MYO1H: variants seen among roughly 807,000 people sequenced by gnomAD.
MYO1H encodes unconventional myosin-Ih.
A neutral mutation model predicts 149.3 loss-of-function variants in MYO1H; 118 were observed. The ratio of observed to expected loss-of-function variants is 0.79; its 90% confidence interval spans 0.68 to 0.92. The LOEUF is 0.92. Among genes scored for constraint, MYO1H ranks in the 40% least tolerant of loss-of-function variants. The probability of loss-of-function intolerance (pLI) is 0.00; values close to 1 mark genes in which losing one functional copy is unlikely to be tolerated. For synonymous variants in MYO1H, 447 were observed against 465.2 expected (o/e 0.96, Z 0.50); for missense variants, 1,212 against 1,280.7 (o/e 0.95, Z 0.82).
At chr12:109,335,434 A>G in the MYO1H span, among the ~76,000 whole-genome samples, 2 of 152,160 alleles carry the variant, frequency 1.3e-5, no homozygotes, top group African/African-American at 4.8e-5. Context: ...ACCATCTCCC[A>G]CCAGGCCCCA....
chr12:109,443,082 G>GTATGTGTGTATATGTGTATGTA (rs1872255666), intron 27 of MYO1H, among the ~76,000 whole-genome samples: 1 of 49,662 alleles, frequency 2.0e-5, no homozygotes, highest in Non-Finnish European at 3.5e-5. Context: ...ATATGTGTAC[G>GTATGTGTGTATATGTGTATGTA]TATGTGTGTA....
chr12:109,398,622 C>T (rs1049368195), intron 5 of MYO1H, among the ~76,000 whole-genome samples: 6 of 151,034 alleles, frequency 4.0e-5, no homozygotes, highest in African/African-American at 9.7e-5. Context: ...TGGTGGTGTG[C>T]GACTGTAATC....
intron 1 of MYO1H, among the ~76,000 whole-genome samples, chr12:109,355,399 T>C (rs971840692): frequency 1.3e-5 from 2 of 152,182 alleles, no homozygotes; most frequent in African/African-American, 4.8e-5. Context: ...AGGGAACTTG[T>C]TGAAATGCAG....
the MYO1H span, among the ~76,000 whole-genome samples, chr12:109,325,498 C>CTAT: frequency 6.6e-6 from 1 of 152,276 alleles, no homozygotes; most frequent in South Asian, 2.1e-4. Context: ...AAAACCTAGG[C>CTAT]AATACCATTC....
intron 1 of MYO1H, among the ~76,000 whole-genome samples, chr12:109,360,590 G>GTCC (rs1253201359): frequency 6.6e-6 from 1 of 152,178 alleles, no homozygotes; most frequent in Non-Finnish European, 1.5e-5. Context: ...CCTTCATGAG[G>GTCC]GTAGAGAGTA....
At chr12:109,432,297 C>T (rs967296976) in intron 19 of MYO1H, among the ~76,000 whole-genome samples, 1 of 152,024 alleles carries the variant, frequency 6.6e-6, no homozygotes, top group Non-Finnish European at 1.5e-5. Flanking sequence ...AGCCCCTGCG[C>T]CTGGCCTTTT....
At chr12:109,370,092 A>G (rs947227715) in intron 1 of MYO1H, among the ~76,000 whole-genome samples, 2 of 152,132 alleles carry the variant, frequency 1.3e-5, no homozygotes, top group African/African-American at 4.8e-5. Flanking sequence ...TGTCCCTCCC[A>G]TGACACATGG....
At chr12:109,354,093 T>G (rs995874714) in intron 1 of MYO1H, 2 of 152,254 alleles carry the variant, frequency 1.3e-5, no homozygotes, top group Admixed American at 1.3e-4. Context: ...TTTTAGGGGC[T>G]TTTAATAGCT....
chr12:109,350,763 A>C (rs1868447567), intron 1 of MYO1H, among the ~76,000 whole-genome samples: 1 of 152,216 alleles, frequency 6.6e-6, no homozygotes, highest in African/African-American at 2.4e-5. Context: ...TTTATAACAC[A>C]TCAAAGAATC....
chr12:109,363,707 C>T (rs1592780153), intron 1 of MYO1H, among the ~76,000 whole-genome samples: 1 of 150,828 alleles, frequency 6.6e-6, no homozygotes, highest in South Asian at 2.1e-4. Flanking sequence ...AGAGAAACTC[C>T]GTCTCAAAAA....
chr12:109,423,826 C>T (rs1188603532), intron 16 of MYO1H, among the ~76,000 whole-genome samples: 2 of 152,102 alleles, frequency 1.3e-5, no homozygotes, highest in East Asian at 1.9e-4. Flanking sequence ...AATAATATTC[C>T]ATGTTACCTA....
At chr12:109,354,399 G>C (rs574891763) in intron 1 of MYO1H, 1 of 151,596 alleles carries the variant, frequency 6.6e-6, no homozygotes, top group African/African-American at 2.4e-5. Flanking sequence ...TCAGGAGATC[G>C]AGACCATCCT....
chr12:109,319,583 A>AT, the MYO1H span, among the ~76,000 whole-genome samples: 828 of 152,262 alleles, frequency 5.4e-3, 11 homozygotes, highest in African/African-American at 0.018. Flanking sequence ...TGATGGTGGT[A>AT]TTTTTTTACC....
chr12:109,344,784 G>T (rs2136987810), upstream of MYO1H, among the ~76,000 whole-genome samples: 2 of 152,312 alleles, frequency 1.3e-5, no homozygotes, highest in Non-Finnish European at 2.9e-5. Context: ...CAGACATGTA[G>T]ATCAATGGAA....
At chr12:109,428,301 G>A (rs544169403) in intron 19 of MYO1H, among the ~76,000 whole-genome samples, 15 of 152,188 alleles carry the variant, frequency 9.9e-5, no homozygotes, top group Middle Eastern at 3.4e-3. Flanking sequence ...TAGTGCCTTA[G>A]CGCAACGGGC....
the MYO1H span, among the ~76,000 whole-genome samples, chr12:109,331,163 T>G: frequency 2.6e-5 from 4 of 152,216 alleles, no homozygotes; most frequent in Non-Finnish European, 4.4e-5. Context: ...ATCCTGATGT[T>G]GCTAAAATCA....
chr12:109,442,798 T>TGCCC (rs1566044454), intron 27 of MYO1H, among the ~76,000 whole-genome samples: 1 of 89,488 alleles, frequency 1.1e-5, no homozygotes, highest in Admixed American at 1.1e-4. Context: ...GTCTGCTCTT[T>TGCCC]TTTTTTTTTT....
chr12:109,325,221 T>G, the MYO1H span, among the ~76,000 whole-genome samples: 1 of 151,062 alleles, frequency 6.6e-6, no homozygotes, highest in African/African-American at 2.4e-5. Flanking sequence ...TTTATAATCC[T>G]TTGGGTATAT....
intron 20 of MYO1H, among the ~76,000 whole-genome samples, chr12:109,434,112 C>G (rs965008956): frequency 6.6e-5 from 10 of 152,098 alleles, no homozygotes; most frequent in Non-Finnish European, 1.3e-4. Context: ...TGGGTTCAAG[C>G]GATTCTCCTG....
Sources: allele counts gnomAD v4.1 joint callset (sites outside exome capture counted in the v4.1 genomes callset), GRCh38; gene constraint gnomAD v4.1.1; transcripts MANE v1.5; gene names NCBI Gene and HGNC (gene_info 2026-07-23, HGNC 2026-07-21).